The following GLI3 variants were observed in gnomAD, a reference collection of about 807,000 sequenced individuals.
The protein encoded by GLI3 is GLI family zinc finger 3.
A neutral mutation model predicts 100.8 loss-of-function variants in GLI3; 20 were observed. That is an observed-to-expected ratio of 0.20 (90% CI 0.14 to 0.29). The LOEUF (loss-of-function observed/expected upper bound fraction) is 0.29. Ranked by LOEUF, GLI3 falls within the 10% of genes least tolerant of loss-of-function variation. The pLI is 1.00. For missense variants in GLI3, 2,040 were observed against 2,128.5 expected (o/e 0.96, Z 0.82); for synonymous variants, 938 against 860.5 (o/e 1.09, Z -1.58).
intron 1 of GLI3, among the ~76,000 whole-genome samples, chr7:42,233,588 A>G (rs1447483176): frequency 6.6e-6 from 1 of 152,250 alleles, no homozygotes; most frequent in Non-Finnish European, 1.5e-5. Context: ...AAAAATCATC[A>G]AAGTGTGAAA....
At chr7:42,099,474 T>C (rs187887903) in intron 3 of GLI3, among the ~76,000 whole-genome samples, 1 of 152,380 alleles carries the variant, frequency 6.6e-6, no homozygotes, top group Non-Finnish European at 1.5e-5. Flanking sequence ...GATTTGTTTT[T>C]TTCTGTAACT....
intron 2 of GLI3, chr7:42,222,733 C>G (rs900394160): frequency 4.4e-6 from 1 of 227,572 alleles, no homozygotes; most frequent in Non-Finnish European, 8.9e-6. Flanking sequence ...AGACTGCTGT[C>G]CTGTCACTAA....
chr7:41,977,489 C>T lies in GLI3; in HGVS notation c.1812+69G>A, dbSNP rs1787542500. 1.2e-5 allele frequency: 18 copies of T among 1,509,146 alleles called. No individual in the cohort carries two copies. The Middle Eastern group carries it at 6.6e-4, about 55-fold the overall frequency. The allele number at this position is 1,509,146 out of a possible 1,614,324, so 93.5% of individuals were successfully genotyped here. ...AACAAAACAGAACACACTGCGCCTT[C>T]CCATGTGCCTTCCCCGGGATAGTTC... is the stretch of plus-strand genomic sequence containing the variant. On this transcript the variant is annotated intron_variant, in intron 12 of 14. Coordinates refer to ENST00000395925, the MANE Select transcript of GLI3 (RefSeq NM_000168.6).
rs796451522 is a variant in GLI3 at position 42,137,214 on chromosome 7, G to A, written c.367+11012C>T. Reference sequence around the variant, plus strand: ...TTTCTGCTGGCTATCATTTCAGCAAGGATCATTTCCCACCTGGGCCACTGC... The same window carrying A: ...TTTCTGCTGGCTATCATTTCAGCAAAGATCATTTCCCACCTGGGCCACTGC... On this transcript the variant is annotated intron_variant, in intron 3 of 14. Coordinates refer to ENST00000395925, the MANE Select transcript of GLI3 (RefSeq NM_000168.6). Among the ~76,000 whole-genome samples, 10 of 152,262 alleles carry A rather than the reference G, an allele frequency of 6.6e-5. No individual in the cohort carries two copies. In the East Asian group the frequency reaches 1.5e-3, roughly 24 times the overall value.
chr7:42,207,020 GA>G (rs1473566514), intron 2 of GLI3, among the ~76,000 whole-genome samples: 1 of 152,184 alleles, frequency 6.6e-6, no homozygotes, highest in Non-Finnish European at 1.5e-5. Context: ...ATAGCCCAAA[GA>G]AGGGCTACAG....
At chr7:42,184,033 G>A (rs1455829015) in intron 2 of GLI3, among the ~76,000 whole-genome samples, 1 of 152,202 alleles carries the variant, frequency 6.6e-6, no homozygotes, top group Admixed American at 6.5e-5. Flanking sequence ...AATGGGGAGG[G>A]ATAATGACAG....
At chr7:42,079,163 A>G (rs185325702) in intron 3 of GLI3, among the ~76,000 whole-genome samples, 1 of 152,318 alleles carries the variant, frequency 6.6e-6, no homozygotes, top group East Asian at 1.9e-4. Flanking sequence ...TTGATTTGGT[A>G]AGTTTGAAAG....
At position 41,965,485 on chromosome 7, in the gene GLI3, G is replaced by A; in HGVS notation, c.3588C>T (p.Gly1196=). Residue 1196 remains glycine, a synonymous_variant, in exon 15 of 15, where the codon GGC becomes GGT. Coordinates refer to ENST00000395925, the MANE Select transcript of GLI3 (RefSeq NM_000168.6). ...PQTRAFGFCN[G]MVVHPQNPLR... Reference sequence around the variant, plus strand: ...AGGGGTTCTGCGGGTGGACGACCATGCCGTTGCAGAACCCAAAGGCGCGAG... The same window carrying A: ...AGGGGTTCTGCGGGTGGACGACCATACCGTTGCAGAACCCAAAGGCGCGAG... 6.2e-7 allele frequency: 1 copy of A among 1,609,276 alleles called. No individual in the cohort carries two copies. Among genetic ancestry groups the A allele is most frequent in the Non-Finnish European group, 8.5e-7 (1 of 1,177,034 alleles).
At chr7:42,239,853 G>A (rs917632157), upstream of GLI3, among the ~76,000 whole-genome samples, 13 of 152,308 alleles carry the variant, frequency 8.5e-5, no homozygotes, top group Middle Eastern at 6.8e-3. Flanking sequence ...AAACAGTGGA[G>A]GGGTAAAAAA....
chr7:42,251,009 C>G (rs914740769), intron 1 of GLI3, among the ~76,000 whole-genome samples: 1 of 152,120 alleles, frequency 6.6e-6, no homozygotes, highest in Non-Finnish European at 1.5e-5. Context: ...TGGTGGGGAG[C>G]TGGGGATTCA....
At chr7:42,046,244 C>T (rs565247538) in intron 5 of GLI3, among the ~76,000 whole-genome samples, 40 of 152,138 alleles carry the variant, frequency 2.6e-4, no homozygotes, top group Non-Finnish European at 4.7e-4. Flanking sequence ...CTGAGGGTGG[C>T]CTCCAGACTC....
chr7:42,083,309 C>T (rs1042558482), intron 3 of GLI3, among the ~76,000 whole-genome samples: 8 of 152,188 alleles, frequency 5.3e-5, no homozygotes, highest in Non-Finnish European at 7.3e-5. Flanking sequence ...CTGCACCTGG[C>T]TTATTTCACT....
At position 42,048,494 on chromosome 7, in the gene GLI3, C is replaced by A. The variant is rs766200485; in HGVS notation, c.676G>T (p.Asp226Tyr). 1 of 1,608,428 alleles carries A rather than the reference C, an allele frequency of 6.2e-7. No individual in the cohort carries two copies. The highest frequency in any genetic ancestry group is 2.2e-5 in the East Asian group (1 of 44,826). ...GCAGAATCCATCCTGGACTTACCAT[C>A]TGTAGGGCTCAGCCCACGGGTTGCT... ...ISATRGLSPTDAPHAGVSPAE... is the reference protein window; with the variant it reads ...ISATRGLSPTYAPHAGVSPAE... The change falls in exon 5 of 15, where the codon GAT becomes TAT. Residue 226 changes from aspartate (D) to tyrosine (Y), a missense_variant. By Grantham distance (160) the Asp-to-Tyr change is radical (BLOSUM62 -3). Transcript: ENST00000395925.
chr7:42,025,318 C>A lies in GLI3; in HGVS notation c.1302G>T (p.Arg434Ser). 6.2e-7 allele frequency: 1 copy of A among 1,614,142 alleles called. No homozygotes were observed. The highest frequency in any genetic ancestry group is 8.5e-7 in the Non-Finnish European group (1 of 1,180,006). The part of the protein sequence containing the change: ...SSTGDPMHNK[R>S]SKIKPDEDLP... ...GGTCTTCATCGGGTTTGATCTTGGA[C>A]CTCTTGTTGTGCATCGGGTCACCAG... The change falls in exon 9 of 15, where the codon AGG becomes AGT. Residue 434 changes from arginine to serine, a missense_variant. This residue lies in a region of GLI3 where 603 missense variants were observed against 690.9 expected (regional missense o/e 0.87). Coordinates refer to ENST00000395925, the MANE Select transcript of GLI3 (RefSeq NM_000168.6).
intron 4 of GLI3, among the ~76,000 whole-genome samples, chr7:42,057,165 T>G (rs530727609): frequency 1.3e-5 from 2 of 152,202 alleles, no homozygotes; most frequent in Non-Finnish European, 2.9e-5. Context: ...TCTTACATAT[T>G]AAAAATAAAA....
rs1005031670 is a variant in GLI3, at chr7:42,104,165, A to T, written c.368-27308T>A. Among the ~76,000 whole-genome samples, 5 of 152,234 alleles carry T rather than the reference A, an allele frequency of 3.3e-5. No individual in the cohort carries two copies. In the East Asian group the frequency reaches 9.6e-4, roughly 29 times the overall value. On this transcript the variant is annotated intron_variant, in intron 3 of 14. Transcript: ENST00000395925. ...GTGCCAGACAGTTAGGCCAGTAGTT[A>T]GGAATCTATCATCTTCAGTAAAATC...
chr7:42,141,202 G>A (rs1001379602), intron 3 of GLI3, among the ~76,000 whole-genome samples: 1 of 152,136 alleles, frequency 6.6e-6, no homozygotes, highest in Admixed American at 6.6e-5. Flanking sequence ...CTGAAATTTG[G>A]AAAAAGGCAA....
At chr7:42,034,478 T>C (rs574049060) in intron 7 of GLI3, among the ~76,000 whole-genome samples, 4 of 152,284 alleles carry the variant, frequency 2.6e-5, no homozygotes, top group African/African-American at 9.6e-5. Flanking sequence ...GCCCTTCCTA[T>C]TGTCCTTAGA....
intron 13 of GLI3, among the ~76,000 whole-genome samples, chr7:41,968,406 T>C (rs568986488): frequency 3.0e-4 from 46 of 152,272 alleles, no homozygotes; most frequent in African/African-American, 1.1e-3. Context: ...CACAGGATGT[T>C]AGCAATTATT....
Sources: gnomAD v4.1 joint callset for allele counts (sites outside exome capture counted in the v4.1 genomes callset) on GRCh38, gnomAD v4.1.1 for gene constraint, gnomAD v4.1.1 regional missense constraint, MANE v1.5 for transcripts, NCBI Gene and HGNC (gene_info 2026-07-23, HGNC 2026-07-21) for gene names.